The following CATSPERE variants were observed in gnomAD, a reference collection of about 807,000 sequenced individuals.
CATSPERE encodes the protein cation channel sperm-associated auxiliary subunit epsilon.
CATSPERE carries 93 observed loss-of-function variants against 114.1 expected under a neutral mutation model. The observed-to-expected ratio is 0.81, with a 90% CI of 0.69 to 0.97. The LOEUF is 0.97. Among genes scored for constraint, CATSPERE ranks in the 50% least tolerant of loss-of-function variants. The pLI, the probability that CATSPERE is intolerant of heterozygous loss-of-function variation, is 0.00. For synonymous variants in CATSPERE, 341 were observed against 384.1 expected, an observed-to-expected ratio of 0.89 and a Z score of 1.31; for missense variants, 1,058 against 1,131.6, an observed-to-expected ratio of 0.93 and a Z score of 0.93.
intron 7 of CATSPERE, 123 bp downstream of exon 7, chr1:244,499,202 T>C: frequency 3.4e-6 from 2 of 586,476 alleles, no homozygotes; most frequent in Non-Finnish European, 6.0e-6. Flanking sequence ...CTAAATACAT[T>C]TGCATGATCC....
intron 8 of CATSPERE, among the ~76,000 whole-genome samples, chr1:244,539,624 G>A (rs1484721103): frequency 6.7e-6 from 1 of 149,806 alleles, no homozygotes; most frequent in Non-Finnish European, 1.5e-5. Flanking sequence ...TGGTTGGTAA[G>A]CTATTGATTA....
At chr1:244,609,517 ATTTTTATAT>A (rs949706931) in intron 18 of CATSPERE, among the ~76,000 whole-genome samples, 6 of 152,006 alleles carry the variant, frequency 3.9e-5, no homozygotes, top group African/African-American at 1.5e-4. Context: ...CACCCAGCTA[ATTTTTATAT>A]TTTTAGCAGA....
chr1:244,506,862 A>G (rs1189936130), intron 7 of CATSPERE, among the ~76,000 whole-genome samples: 10 of 152,096 alleles, frequency 6.6e-5, no homozygotes, highest in African/African-American at 1.2e-4. Flanking sequence ...AGCTTATTCT[A>G]TCTAACTGTG....
rs1670145800 is a variant in CATSPERE, at chr1:244,607,393, G to A, written c.2403+1599G>A. Reference sequence around the variant, plus strand: ...TATGCCATCCCTACTTACTGGTACCGTATACTCAGAACTGGATCACTTTTC... The same window carrying A: ...TATGCCATCCCTACTTACTGGTACCATATACTCAGAACTGGATCACTTTTC... On this transcript the variant is annotated intron_variant, in intron 18 of 21. Coordinates refer to ENST00000366534, the MANE Select transcript of CATSPERE (RefSeq NM_001130957.2). The surrounding 1 kb of genome is among the most constrained non-coding windows in gnomAD (Gnocchi z 4.4). Among the ~76,000 whole-genome samples, 1 of 152,146 alleles carries A rather than the reference G, an allele frequency of 6.6e-6. No individual in the cohort carries two copies. The highest frequency in any genetic ancestry group is 1.9e-4 in the East Asian group (1 of 5,194).
At chr1:244,452,070 GCGGCAA>G (rs1008843469), upstream of CATSPERE, 11 of 339,238 alleles carry the variant, frequency 3.2e-5, no homozygotes, top group Admixed American at 4.9e-4. Context: ...GGCCCTGGTG[GCGGCAA>G]CGGCCGCCAC....
At position 244,633,627 on chromosome 1, in the gene CATSPERE, T is replaced by TGC. The variant is rs1263277957; in HGVS notation, c.2649-1861_2649-1860dup. 6.6e-6 allele frequency among the ~76,000 whole-genome samples: 1 copy of TGC among 151,964 alleles called. No homozygotes were observed. The highest frequency in any genetic ancestry group is 1.9e-4 in the East Asian group (1 of 5,192). ...ACATGTGCAGGCATGAGCACACGCA[T>TGC]GCACACACACACACACGCACACAAA... On this transcript the variant is annotated intron_variant, in intron 20 of 21. Coordinates refer to ENST00000366534, the MANE Select transcript of CATSPERE (RefSeq NM_001130957.2). The surrounding 1 kb of genome is among the most constrained non-coding windows in gnomAD (Gnocchi z 4.1).
rs774733755 is a variant in CATSPERE, at chr1:244,605,765, G to T, written c.2374G>T (p.Asp792Tyr). 6.2e-7 allele frequency: 1 copy of T among 1,613,138 alleles called. No individual in the cohort carries two copies. Among genetic ancestry groups the T allele is most frequent in the Admixed American group, 1.7e-5 (1 of 59,966 alleles). The stretch of plus-strand genomic sequence containing the variant: ...AGTGTGGGAAATACACGGCAGGGAT[G>T]ACTATAGCTTTAATAATACTATGGC... ...FIVWEIHGRDDYSFNNTMAQS... is the reference protein window; with the variant it reads ...FIVWEIHGRDYYSFNNTMAQS... The change falls in exon 18 of 22, where the codon GAC becomes TAC. Residue 792 changes from aspartate to tyrosine, a missense_variant. By Grantham distance (160) the Asp-to-Tyr change is radical (BLOSUM62 -3). Transcript: ENST00000366534.
At chr1:244,604,562 A>C (rs1669719708) in intron 17 of CATSPERE, among the ~76,000 whole-genome samples, 1 of 152,234 alleles carries the variant, frequency 6.6e-6, no homozygotes, top group African/African-American at 2.4e-5. Flanking sequence ...TGAGTGCAGC[A>C]AGAAGCTCTA....
intron 20 of CATSPERE, among the ~76,000 whole-genome samples, chr1:244,621,181 T>TTATATAAATATATCTATAATATTA (rs576560764): frequency 2.2e-5 from 1 of 44,754 alleles, no homozygotes; most frequent in Non-Finnish European, 3.7e-5. Context: ...ATAGATATAT[T>TTATATAAATATATCTATAATATTA]TATATAGATA....
chr1:244,581,798 A>C lies in CATSPERE; in HGVS notation c.1953A>C (p.Thr651=). The change falls in exon 12 of 22, where the codon ACA becomes ACC. Residue 651 remains threonine, a splice_region_variant and synonymous_variant. Transcript: ENST00000366534. ...AATTTTAAATTTTCTTTTTTCAGAC[A>C]CTAACATTTTATCAGAATGTAGATT... The part of the protein sequence containing the change: ...AAFGYCTKTL[T]LTFYQNVDYE... 7.6e-7 allele frequency: 1 copy of C among 1,313,802 alleles called. No homozygotes were observed. The highest frequency in any genetic ancestry group is 1.1e-6 in the Non-Finnish European group (1 of 936,564). 81.4% of individuals were successfully genotyped at this position (1,313,802 alleles called of 1,614,324 possible).
At chr1:244,453,992 T>C (rs1260817581), upstream of CATSPERE, among the ~76,000 whole-genome samples, 2 of 152,150 alleles carry the variant, frequency 1.3e-5, no homozygotes, top group African/African-American at 4.8e-5. Context: ...AATAGGAGGA[T>C]AGTTTGGAAG....
chr1:244,451,954 G>A (rs1184595748), upstream of CATSPERE: 10 of 910,308 alleles, frequency 1.1e-5, no homozygotes, highest in South Asian at 5.9e-5. This position sits in a 1 kb window ranked among gnomAD's most constrained non-coding sequence, Gnocchi z 6.6. Context: ...CCGCCGGGCC[G>A]CCACCCTCCA....
intron 6 of CATSPERE, among the ~76,000 whole-genome samples, chr1:244,496,440 G>A (rs1673100934): frequency 6.6e-6 from 1 of 152,166 alleles, no homozygotes; most frequent in East Asian, 1.9e-4. Context: ...GCTGGGATGA[G>A]GTGAAACCAG....
chr1:244,586,504 G>C (rs1667045018), intron 13 of CATSPERE, among the ~76,000 whole-genome samples: 5 of 152,290 alleles, frequency 3.3e-5, no homozygotes, highest in Admixed American at 2.0e-4. Flanking sequence ...GGGTAGTGTG[G>C]TTGGGAGAAC....
chr1:244,502,341 T>C (rs573882789), intron 7 of CATSPERE, among the ~76,000 whole-genome samples: 7 of 152,358 alleles, frequency 4.6e-5, no homozygotes, highest in African/African-American at 1.4e-4. Context: ...ACCAGACTTA[T>C]ATTTTTAATA....
In CATSPERE at chr1:244,576,534, T is replaced by C. The variant is rs1558527178; in HGVS notation, c.1950+3762T>C. Among the ~76,000 whole-genome samples the C allele has an allele frequency of 7.9e-5, 12 of 151,486 alleles. 1 individual carries two copies. ...ATTGCCTTGCTGAGAAAACTTTTTA[T>C]CTGAATGCTAATTTTTCCTTGCAGT... On this transcript the variant is annotated intron_variant, in intron 11 of 21. Coordinates refer to ENST00000366534, the MANE Select transcript of CATSPERE (RefSeq NM_001130957.2).
At chr1:244,515,857 T>TA (rs1676527012) in intron 7 of CATSPERE, among the ~76,000 whole-genome samples, 1 of 149,856 alleles carries the variant, frequency 6.7e-6, no homozygotes, top group African/African-American at 2.4e-5. Context: ...TAGTATATTT[T>TA]AAAATACTAT....
chr1:244,603,116 TAGG>T (rs1402178363), intron 17 of CATSPERE, among the ~76,000 whole-genome samples: 1 of 151,968 alleles, frequency 6.6e-6, no homozygotes, highest in Non-Finnish European at 1.5e-5. Context: ...GTGATGAGGG[TAGG>T]AGGATAGTAG....
chr1:244,615,239 C>CA (rs568497256), intron 19 of CATSPERE, among the ~76,000 whole-genome samples: 2,230 of 69,224 alleles, frequency 0.032, 69 homozygotes, highest in African/African-American at 0.085. Flanking sequence ...TTGGGCAGAC[C>CA]AAAAAAAAAA....
Sources: allele counts gnomAD v4.1 joint callset (sites outside exome capture counted in the v4.1 genomes callset), GRCh38; gene constraint gnomAD v4.1.1; non-coding constraint Gnocchi (gnomAD v3.1); transcripts MANE v1.5; gene names NCBI Gene and HGNC (gene_info 2026-07-23, HGNC 2026-07-21).